Variants in ADAMTSL1 observed in about 807,000 individuals in gnomAD.
ADAMTSL1 encodes the protein ADAMTS-like protein 1.
Under a neutral mutation model 201.8 loss-of-function variants are expected in ADAMTSL1, and 126 were observed. The ratio of observed to expected loss-of-function variants is 0.62; its 90% CI spans 0.54 to 0.72. The LOEUF is 0.72. ADAMTSL1 is among the 30% of genes least tolerant of loss of function. ADAMTSL1 has a pLI of 0.00. For synonymous variants in ADAMTSL1, 1,121 were observed against 903.4 expected (o/e 1.24, Z -4.32); for missense variants, 2,679 against 2,277.8 (o/e 1.18, Z -3.59).
intron 13 of ADAMTSL1, among the ~76,000 whole-genome samples, chr9:18,691,471 T>G (rs563113935): frequency 6.6e-6 from 1 of 152,190 alleles, no homozygotes; most frequent in Non-Finnish European, 1.5e-5. Context: ...TATGTGTACC[T>G]CAGTTATTCC....
intron 2 of ADAMTSL1, among the ~76,000 whole-genome samples, chr9:18,169,520 T>G (rs1387206504): frequency 2.0e-5 from 3 of 152,176 alleles, no homozygotes; most frequent in Non-Finnish European, 4.4e-5. Flanking sequence ...GCTGTTTTGG[T>G]TACTGTAGCC....
intron 2 of ADAMTSL1, among the ~76,000 whole-genome samples, chr9:18,362,734 C>G (rs1221652253): frequency 6.6e-6 from 1 of 152,194 alleles, no homozygotes; most frequent in Non-Finnish European, 1.5e-5. Context: ...CTGAATGAGT[C>G]TTTCATCAGT....
intron 13 of ADAMTSL1, among the ~76,000 whole-genome samples, chr9:18,686,443 A>T (rs1408610381): frequency 6.6e-6 from 1 of 152,184 alleles, no homozygotes; most frequent in African/African-American, 2.4e-5. Flanking sequence ...ACCTGATTTG[A>T]CAGGCCTTTT....
intron 11 of ADAMTSL1, 104 bp from the exon 12 acceptor site, chr9:18,681,708 G>GGGC (rs1564145993): frequency 2.7e-6 from 2 of 745,514 alleles, no homozygotes; most frequent in Non-Finnish European, 1.9e-6. Context: ...GGGGGGGGGG[G>GGGC]GCGGGGAAAA....
At chr9:18,296,310 A>G (rs73428924) in intron 2 of ADAMTSL1, among the ~76,000 whole-genome samples, 7,813 of 152,270 alleles carry the variant, frequency 0.051, 470 homozygotes, top group African/African-American at 0.14. Flanking sequence ...TTCTGCCTCA[A>G]ATTGACAAGC....
intron 2 of ADAMTSL1, among the ~76,000 whole-genome samples, chr9:18,169,627 A>G (rs528652261): frequency 6.6e-6 from 1 of 152,232 alleles, no homozygotes; most frequent in Admixed American, 6.5e-5. Flanking sequence ...TTAGTTCCAT[A>G]TGAAGCTTAA....
intron 1 of ADAMTSL1, among the ~76,000 whole-genome samples, chr9:18,110,853 G>A (rs535276943): frequency 6.6e-6 from 1 of 152,270 alleles, no homozygotes; most frequent in East Asian, 1.9e-4. Flanking sequence ...TGAAGAATAA[G>A]AGTCAACTGA....
intron 25 of ADAMTSL1, 86 bp from the exon 26 acceptor site, chr9:18,892,303 A>T: frequency 7.3e-7 from 1 of 1,361,850 alleles, no homozygotes. Context: ...ATTAGTGGCA[A>T]GAGCAGGGAT....
chr9:18,674,198 G>GAACA (rs1554726915), intron 9 of ADAMTSL1, among the ~76,000 whole-genome samples: 2 of 58,174 alleles, frequency 3.4e-5, no homozygotes, highest in Non-Finnish European at 9.4e-5. Context: ...ACACACACAG[G>GAACA]CACACACACA....
intron 2 of ADAMTSL1, among the ~76,000 whole-genome samples, chr9:18,281,898 C>T (rs1832805257): frequency 6.6e-6 from 1 of 152,140 alleles, no homozygotes; most frequent in Admixed American, 6.5e-5. Context: ...TTTGTTGTTT[C>T]ATTTTTAGTC....
chr9:18,870,217 T>C (rs1827802134), intron 23 of ADAMTSL1, among the ~76,000 whole-genome samples: 2 of 152,206 alleles, frequency 1.3e-5, no homozygotes, highest in South Asian at 2.1e-4. Context: ...CATCTCAGGA[T>C]TGGTTTCTGT....
At chr9:17,914,112 T>A (rs569988740) in intron 1 of ADAMTSL1, among the ~76,000 whole-genome samples, 4 of 152,312 alleles carry the variant, frequency 2.6e-5, no homozygotes, top group Non-Finnish European at 4.4e-5. Context: ...ACTGGTACCA[T>A]TCCTTCTGAA....
At chr9:18,716,345 A>C (rs1832930099) in intron 14 of ADAMTSL1, among the ~76,000 whole-genome samples, 1 of 151,622 alleles carries the variant, frequency 6.6e-6, no homozygotes, top group Non-Finnish European at 1.5e-5. Context: ...TCATCTGACA[A>C]AGGGCTAATA....
intron 1 of ADAMTSL1, among the ~76,000 whole-genome samples, chr9:18,085,753 A>G (rs1823740015): frequency 6.6e-6 from 1 of 151,166 alleles, no homozygotes; most frequent in African/African-American, 2.4e-5. Flanking sequence ...ACGTGTATAC[A>G]TATATATGTG....
intron 7 of ADAMTSL1, among the ~76,000 whole-genome samples, chr9:18,656,646 G>C (rs114802674): frequency 8.5e-6 from 1 of 118,292 alleles, no homozygotes; most frequent in Non-Finnish European, 1.9e-5. Context: ...AAAAAAAAAA[G>C]AAAATGTTAA....
intron 1 of ADAMTSL1, among the ~76,000 whole-genome samples, chr9:18,138,488 G>A (rs1329385219): frequency 6.6e-6 from 1 of 152,112 alleles, no homozygotes; most frequent in African/African-American, 2.4e-5. Flanking sequence ...AAATTCATTT[G>A]CATTTGAATT....
chr9:18,246,916 G>T (rs1054569497), intron 2 of ADAMTSL1, among the ~76,000 whole-genome samples: 6 of 152,056 alleles, frequency 3.9e-5, no homozygotes, highest in African/African-American at 1.4e-4. Context: ...ATAAATGCAA[G>T]ACAATGTATT....
At chr9:18,803,187 C>T (rs573104704) in intron 20 of ADAMTSL1, among the ~76,000 whole-genome samples, 2 of 152,226 alleles carry the variant, frequency 1.3e-5, no homozygotes, top group Non-Finnish European at 2.9e-5. Context: ...TTTCCGAAGG[C>T]TCTAAAAGAG....
chr9:18,682,309 A>T (rs1348120946), intron 12 of ADAMTSL1, among the ~76,000 whole-genome samples: 1 of 152,192 alleles, frequency 6.6e-6, no homozygotes, highest in African/African-American at 2.4e-5. Context: ...CTTTAAAAAC[A>T]AGGGAGTGAA....
Sources: gnomAD v4.1 joint callset for allele counts (sites outside exome capture counted in the v4.1 genomes callset) on GRCh38, gnomAD v4.1.1 for gene constraint, MANE v1.5 for transcripts, NCBI Gene and HGNC (gene_info 2026-07-23, HGNC 2026-07-21) for gene names.